The following SPECC1 variants were observed in gnomAD, a reference collection of about 807,000 sequenced individuals.
SPECC1 encodes the protein sperm antigen with calponin homology and coiled-coil domains 1.
SPECC1 carries 62 observed loss-of-function variants against 104.1 expected under a neutral mutation model. That is an observed-to-expected ratio of 0.60 (90% CI 0.49 to 0.74). SPECC1 has a LOEUF of 0.74. SPECC1 is among the 30% of genes least tolerant of loss of function. The probability of loss-of-function intolerance (pLI) is 0.00; values close to 1 mark genes in which losing one functional copy is unlikely to be tolerated. For synonymous variants in SPECC1, 513 were observed against 501.6 expected (o/e 1.02, Z -0.30); for missense variants, 1,306 against 1,310.5 (o/e 1.00, Z 0.05).
chr17:20,162,307 G>A (rs1985810), intron 3 of SPECC1, among the ~76,000 whole-genome samples: 44,257 of 151,434 alleles, frequency 0.29, 8,247 homozygotes, highest in Middle Eastern at 0.41. Context: ...CACTGCGCCC[G>A]GCTAATTTTT....
At chr17:20,229,668 C>T (rs2038451412) in intron 5 of SPECC1, among the ~76,000 whole-genome samples, 1 of 152,046 alleles carries the variant, frequency 6.6e-6, no homozygotes, top group Non-Finnish European at 1.5e-5. Flanking sequence ...AGCAAGACTG[C>T]ATCTCTAAAA....
At chr17:20,284,411 T>C (rs554279392) in intron 12 of SPECC1, among the ~76,000 whole-genome samples, 2 of 152,284 alleles carry the variant, frequency 1.3e-5, no homozygotes, top group East Asian at 3.9e-4. Flanking sequence ...TGGCCAAGGG[T>C]TGTGCTGTCC....
intron 3 of SPECC1, among the ~76,000 whole-genome samples, chr17:20,149,993 G>A (rs1341965817): frequency 6.6e-6 from 1 of 151,662 alleles, no homozygotes; most frequent in Non-Finnish European, 1.5e-5. Context: ...TTTTTTCTGA[G>A]ATGGAGTCTC....
intron 3 of SPECC1, among the ~76,000 whole-genome samples, chr17:20,128,452 C>G (rs1356450902): frequency 6.6e-6 from 1 of 152,142 alleles, no homozygotes; most frequent in Non-Finnish European, 1.5e-5. Flanking sequence ...GCTGTCAGAT[C>G]ACAAGGAGGG....
At chr17:20,253,627 C>T (rs933559911) in intron 10 of SPECC1, 41 bp downstream of exon 10, 20 of 1,580,732 alleles carry the variant, frequency 1.3e-5, no homozygotes, top group Admixed American at 8.5e-5. Flanking sequence ...CTTATCTTTC[C>T]GTGCAGTTAA....
intron 3 of SPECC1, among the ~76,000 whole-genome samples, chr17:20,163,054 C>T (rs1485780668): frequency 6.6e-6 from 1 of 152,062 alleles, no homozygotes; most frequent in Admixed American, 6.6e-5. Flanking sequence ...AGTGAAGATG[C>T]ATACATCAAA....
intron 1 of SPECC1, among the ~76,000 whole-genome samples, chr17:20,077,261 C>T (rs1246114540): frequency 6.6e-6 from 1 of 152,082 alleles, no homozygotes; most frequent in African/African-American, 2.4e-5. Flanking sequence ...TAAATTTAAA[C>T]TGGCTTTAAA....
chr17:20,216,061 T>G (rs2037469459), intron 4 of SPECC1, among the ~76,000 whole-genome samples: 1 of 152,180 alleles, frequency 6.6e-6, no homozygotes, highest in Non-Finnish European at 1.5e-5. Context: ...TATATTCACT[T>G]TACAGATTAA....
chr17:20,022,363 A>G (rs572543871), intron 1 of SPECC1, among the ~76,000 whole-genome samples: 7 of 152,142 alleles, frequency 4.6e-5, no homozygotes, highest in East Asian at 1.9e-4. Flanking sequence ...TCCTTTCCCC[A>G]TGTTTCAACT....
At chr17:20,155,107 T>C (rs529453605) in intron 3 of SPECC1, among the ~76,000 whole-genome samples, 3 of 151,484 alleles carry the variant, frequency 2.0e-5, no homozygotes. Context: ...ACCAAGAGAG[T>C]ATATAGGAAA....
chr17:20,145,930 T>C (rs1018969473), intron 3 of SPECC1, among the ~76,000 whole-genome samples: 1 of 152,198 alleles, frequency 6.6e-6, no homozygotes, highest in Non-Finnish European at 1.5e-5. Context: ...TTAGAGGTAT[T>C]GTAGGTTTAT....
intron 3 of SPECC1, among the ~76,000 whole-genome samples, chr17:20,200,006 T>A (rs926462468): frequency 5.3e-5 from 8 of 152,186 alleles, no homozygotes; most frequent in African/African-American, 1.7e-4. Context: ...TTGGCCAGGA[T>A]GGTCTCGATC....
intron 1 of SPECC1, among the ~76,000 whole-genome samples, chr17:20,050,015 C>G (rs2045679914): frequency 6.6e-6 from 1 of 151,954 alleles, no homozygotes; most frequent in African/African-American, 2.4e-5. Flanking sequence ...TGGGGTTTCT[C>G]CATGTTGCTC....
At chr17:20,048,498 T>C (rs2045624768) in intron 1 of SPECC1, among the ~76,000 whole-genome samples, 1 of 152,092 alleles carries the variant, frequency 6.6e-6, no homozygotes, top group African/African-American at 2.4e-5. Context: ...GTCTCAGAAA[T>C]AGCCTTTGTG....
At position 20,232,234 on chromosome 17, in the gene SPECC1, A is replaced by G; in HGVS notation, c.2180A>G (p.Asp727Gly). The change falls in exon 7 of 15, where the codon GAT (aspartate) becomes GGT (glycine). Residue 727 changes from aspartate (D) to glycine (G), a missense_variant. Physicochemically the swap from Asp to Gly is moderately conservative, Grantham distance 94. This residue lies in a region of SPECC1 where 1,177 missense variants were observed against 1,139.9 expected (regional missense o/e 1.03). Transcript: ENST00000395527. Reference protein sequence around the residue: ...ETEEWRRFQADLQTAVVVAND... With the variant: ...ETEEWRRFQAGLQTAVVVAND... Reference sequence around the variant, plus strand: ...GAGGAATGGAGGCGGTTCCAGGCGGATCTGCAGACCGCAGTGGTGGTGGCC... The same window carrying G: ...GAGGAATGGAGGCGGTTCCAGGCGGGTCTGCAGACCGCAGTGGTGGTGGCC... The G allele has an allele frequency of 6.2e-7, 1 of 1,614,142 alleles. No homozygotes were observed. The highest frequency in any genetic ancestry group is 8.5e-7 in the Non-Finnish European group (1 of 1,180,028).
chr17:20,206,915 T>C (rs2036822391), intron 4 of SPECC1, among the ~76,000 whole-genome samples: 1 of 152,220 alleles, frequency 6.6e-6, no homozygotes, highest in Non-Finnish European at 1.5e-5. Context: ...TTTTAACCTT[T>C]TTTGCTTGGG....
At chr17:20,188,256 C>CTTTTT (rs67659304) in intron 3 of SPECC1, among the ~76,000 whole-genome samples, 3 of 145,914 alleles carry the variant, frequency 2.1e-5, no homozygotes, top group Non-Finnish European at 4.5e-5. Flanking sequence ...AAAAGACATC[C>CTTTTT]TTTTTTTTTT....
At chr17:20,228,307 C>T (rs1343390113) in intron 5 of SPECC1, among the ~76,000 whole-genome samples, 1 of 152,112 alleles carries the variant, frequency 6.6e-6, no homozygotes, top group Non-Finnish European at 1.5e-5. Context: ...ATCCTCCTGG[C>T]CTCTCAAAGC....
chr17:20,279,980 A>G (rs2040711371), intron 12 of SPECC1, among the ~76,000 whole-genome samples: 1 of 152,132 alleles, frequency 6.6e-6, no homozygotes, highest in African/African-American at 2.4e-5. Context: ...TGTGTGGTGG[A>G]GGAACATAGT....
Sources: allele counts gnomAD v4.1 joint callset (sites outside exome capture counted in the v4.1 genomes callset), GRCh38; gene constraint gnomAD v4.1.1; regional missense constraint gnomAD v4.1.1; transcripts MANE v1.5; gene names NCBI Gene and HGNC (gene_info 2026-07-23, HGNC 2026-07-21).